TNRC6A: variants seen among roughly 807,000 people sequenced by gnomAD.
TNRC6A encodes trinucleotide repeat containing adaptor 6A, also known as trinucleotide repeat-containing gene 6A protein.
TNRC6A carries 44 observed loss-of-function variants against 221.2 expected under a neutral mutation model. That is an observed-to-expected ratio of 0.20 (90% CI 0.16 to 0.26). TNRC6A has a LOEUF of 0.26. TNRC6A is among the 10% of genes least tolerant of loss of function. The probability of loss-of-function intolerance (pLI) is 1.00; values close to 1 mark genes in which losing one functional copy is unlikely to be tolerated. For synonymous variants in TNRC6A, 847 were observed against 838.5 expected (o/e 1.01, Z -0.18); for missense variants, 2,199 against 2,404.4 (o/e 0.91, Z 1.79).
intron 2 of TNRC6A, among the ~76,000 whole-genome samples, chr16:24,684,219 T>C (rs921594513): frequency 3.3e-5 from 5 of 151,386 alleles, no homozygotes; most frequent in Non-Finnish European, 5.9e-5. Context: ...GGCAACACAA[T>C]GAGACCTCAA....
intron 2 of TNRC6A, among the ~76,000 whole-genome samples, chr16:24,722,952 G>C (rs187869504): frequency 6.6e-6 from 1 of 152,242 alleles, no homozygotes; most frequent in East Asian, 1.9e-4. Context: ...GGCTGGGGCA[G>C]CTAAGTGACT....
At chr16:24,639,282 C>T (rs975941213) in intron 1 of TNRC6A, among the ~76,000 whole-genome samples, 4 of 151,950 alleles carry the variant, frequency 2.6e-5, no homozygotes, top group Admixed American at 2.0e-4. Flanking sequence ...GCCAGGAGTT[C>T]GAGGCCAGCC....
At chr16:24,725,116 G>T (rs1293655555), upstream of TNRC6A, among the ~76,000 whole-genome samples, 1 of 152,072 alleles carries the variant, frequency 6.6e-6, no homozygotes, top group Non-Finnish European at 1.5e-5. Context: ...CTTGTTTCTG[G>T]TTCCATTCCT....
chr16:24,736,283 A>G (rs566060302), intron 2 of TNRC6A, among the ~76,000 whole-genome samples: 1 of 152,340 alleles, frequency 6.6e-6, no homozygotes, highest in Non-Finnish European at 1.5e-5. Flanking sequence ...CATTTGTTCT[A>G]TCGTGACATT....
intron 2 of TNRC6A, chr16:24,664,073 C>T (rs1255396976): frequency 2.6e-6 from 1 of 391,190 alleles, no homozygotes; most frequent in Non-Finnish European, 5.2e-6. Context: ...TACCTGTAAT[C>T]CCAGCACTTT....
At chr16:24,704,699 GA>G (rs140926186) in intron 2 of TNRC6A, among the ~76,000 whole-genome samples, 3 of 119,578 alleles carry the variant, frequency 2.5e-5, no homozygotes, top group South Asian at 2.9e-4. Flanking sequence ...AAAAAAGAAA[GA>G]AAAAAATTAT....
At chr16:24,617,588 A>C (rs1367843863) in intron 1 of TNRC6A, among the ~76,000 whole-genome samples, 5 of 152,230 alleles carry the variant, frequency 3.3e-5, no homozygotes, top group Admixed American at 6.5e-5. Flanking sequence ...CCCTGTGTCA[A>C]GTATGTTATT....
intron 3 of TNRC6A, 46 bp from the exon 4 acceptor site, chr16:24,758,293 C>G (rs1372342243): frequency 2.6e-6 from 4 of 1,558,916 alleles, no homozygotes; most frequent in Admixed American, 1.7e-5. Context: ...CCATTTCTTT[C>G]AGTTTCATAT....
At chr16:24,778,063 G>T (rs1381466157) in intron 5 of TNRC6A, among the ~76,000 whole-genome samples, 1 of 152,128 alleles carries the variant, frequency 6.6e-6, no homozygotes, top group African/African-American at 2.4e-5. Context: ...TAGGTGCTAG[G>T]GTTGAGGGGG....
At chr16:24,809,618 T>C in intron 18 of TNRC6A, 137 bp downstream of exon 18, 1 of 1,123,956 alleles carries the variant, frequency 8.9e-7, no homozygotes, top group African/African-American at 1.6e-5. Context: ...TAAAAAAAGT[T>C]GTTATTAAGT....
At chr16:24,721,615 C>T (rs970101131) in intron 2 of TNRC6A, among the ~76,000 whole-genome samples, 4 of 152,160 alleles carry the variant, frequency 2.6e-5, no homozygotes, top group South Asian at 2.1e-4. Context: ...GAGATCAGCC[C>T]GGACAACGTG....
intron 2 of TNRC6A, among the ~76,000 whole-genome samples, chr16:24,683,273 T>C (rs987937104): frequency 1.3e-5 from 2 of 152,194 alleles, no homozygotes; most frequent in Non-Finnish European, 2.9e-5. Context: ...CATAGTTTAC[T>C]TCAGCCTCAA....
chr16:24,804,836 G>A lies in TNRC6A; in HGVS notation c.3969G>A (p.Leu1323=), dbSNP rs1428483880. The change falls in exon 13 of 25, where the codon TTG becomes TTA. Residue 1323 remains leucine (L), a synonymous_variant. Coordinates refer to ENST00000395799, the MANE Select transcript of TNRC6A (RefSeq NM_014494.4). ...GSIAGLGMQN[L]NSVRQNGNPS... Reference sequence around the variant, plus strand: ...TAGCAGGGCTGGGTATGCAAAACTTGAATTCTGTTAGACAGGTAAGTCCAG... The same window carrying A: ...TAGCAGGGCTGGGTATGCAAAACTTAAATTCTGTTAGACAGGTAAGTCCAG... 1 of 1,612,918 alleles carries A rather than the reference G, an allele frequency of 6.2e-7. No individual in the cohort carries two copies. Among genetic ancestry groups the A allele is most frequent in the South Asian group, 1.1e-5 (1 of 90,676 alleles).
At chr16:24,730,117 TC>T (rs1378900841) in intron 1 of TNRC6A, 135 bp from the exon 2 acceptor site, 3 of 796,472 alleles carry the variant, frequency 3.8e-6, no homozygotes, top group Admixed American at 4.0e-5. Flanking sequence ...GCTTTGTGAG[TC>T]CCCCTCCCCC....
At chr16:24,776,873 A>C (rs1295624001) in intron 4 of TNRC6A, 60 bp from the exon 5 acceptor site, 1 of 1,548,234 alleles carries the variant, frequency 6.5e-7, no homozygotes, top group South Asian at 1.3e-5. Flanking sequence ...TAGATGGCTT[A>C]CTTTGGAGGT....
At chr16:24,772,493 T>TA (rs906592598) in intron 4 of TNRC6A, among the ~76,000 whole-genome samples, 239 of 142,506 alleles carry the variant, frequency 1.7e-3, no homozygotes, top group African/African-American at 1.8e-3. Flanking sequence ...AAACCCTGCC[T>TA]AAAAAAAAAA....
At chr16:24,811,028 G>A (rs1357893602) in intron 18 of TNRC6A, among the ~76,000 whole-genome samples, 3 of 152,132 alleles carry the variant, frequency 2.0e-5, no homozygotes, top group East Asian at 3.8e-4. Flanking sequence ...GGACGGACCC[G>A]AGTCGCAGGC....
chr16:24,798,045 T>C, intron 11 of TNRC6A, 79 bp downstream of exon 11: 1 of 1,317,722 alleles, frequency 7.6e-7, no homozygotes, highest in Non-Finnish European at 1.1e-6. Flanking sequence ...GAAAGAGCCC[T>C]GACGTAGATC....
chr16:24,806,492 T>C, intron 16 of TNRC6A, 82 bp from the exon 17 acceptor site: 3 of 1,543,010 alleles, frequency 1.9e-6, no homozygotes, highest in East Asian at 2.3e-5. Context: ...CGAAAGTGAA[T>C]TCAAAAATGG....
Sources: gnomAD v4.1 joint callset for allele counts (sites outside exome capture counted in the v4.1 genomes callset) on GRCh38, gnomAD v4.1.1 for gene constraint, MANE v1.5 for transcripts, NCBI Gene and HGNC (gene_info 2026-07-23, HGNC 2026-07-21) for gene names.